HAPSTR1: variants seen among roughly 807,000 people sequenced by gnomAD.
HAPSTR1 encodes HUWE1 associated protein modifying stress responses.
the HAPSTR1 span, chr16:9,107,747 C>T: frequency 6.6e-6 from 1 of 152,508 alleles, no homozygotes; most frequent in African/African-American, 2.4e-5. Context: ...GTGACACAGC[C>T]TTGCTTCAGG....
the HAPSTR1 span, chr16:9,108,135 C>G: frequency 6.6e-6 from 1 of 152,140 alleles, no homozygotes; most frequent in Non-Finnish European, 1.5e-5. Context: ...TAAACCTACT[C>G]TTTCAGTGTT....
At chr16:9,107,610 T>C in the HAPSTR1 span, 2 of 152,270 alleles carry the variant, frequency 1.3e-5, no homozygotes, top group Non-Finnish European at 2.9e-5. Flanking sequence ...AAATTCAGCA[T>C]GGTATTACAA....
At chr16:9,092,073 C>T in the HAPSTR1 span, 4 of 1,535,996 alleles carry the variant, frequency 2.6e-6, no homozygotes, top group South Asian at 2.4e-5. Flanking sequence ...GAGGGCGAGG[C>T]CGAGATCCAG....
At chr16:9,092,401 C>A in the HAPSTR1 span, 1 of 802,522 alleles carries the variant, frequency 1.2e-6, no homozygotes, top group Non-Finnish European at 1.6e-6. Flanking sequence ...CCGGTGGCTC[C>A]GCGGCCCTGC....
the HAPSTR1 span, chr16:9,105,540 C>T: frequency 6.6e-6 from 1 of 152,084 alleles, no homozygotes; most frequent in South Asian, 2.1e-4. Context: ...AGTACTAGGG[C>T]CATTATTAAC....
At chr16:9,120,673 C>CTTTTTT in the HAPSTR1 span, 214 of 100,534 alleles carry the variant, frequency 2.1e-3, no homozygotes, top group Middle Eastern at 0.016. Context: ...ATGGTGAAAT[C>CTTTTTT]TTTTTTTTTT....
At chr16:9,092,003 ACGCGGCGGCGGTGGCGGCGAGGC>A in the HAPSTR1 span, 1 of 1,452,388 alleles carries the variant, frequency 6.9e-7, no homozygotes, top group Non-Finnish European at 9.2e-7. Flanking sequence ...CCTGAGGAGG[ACGCGGCGGCGGTGGCGGCGAGGC>A]CGCGGGAGGC....
the HAPSTR1 span, among the ~76,000 whole-genome samples, chr16:9,099,314 C>T: frequency 2.0e-5 from 3 of 151,982 alleles, no homozygotes; most frequent in South Asian, 6.2e-4. Context: ...TCTTCTGCCT[C>T]AGCCTCCCAA....
chr16:9,110,648 G>C, the HAPSTR1 span: 1 of 152,172 alleles, frequency 6.6e-6, no homozygotes, highest in Non-Finnish European at 1.5e-5. Context: ...CGCCCCTTTG[G>C]TGTCACTCTT....
the HAPSTR1 span, among the ~76,000 whole-genome samples, chr16:9,099,241 A>C: frequency 6.7e-6 from 1 of 149,552 alleles, no homozygotes; most frequent in African/African-American, 2.4e-5. Flanking sequence ...CGTGTCACCC[A>C]GCCTGGAGTG....
At chr16:9,106,972 C>T in the HAPSTR1 span, 1 of 152,204 alleles carries the variant, frequency 6.6e-6, no homozygotes, top group Non-Finnish European at 1.5e-5. Flanking sequence ...AGAGCTTCTC[C>T]TTACCTTGGC....
At chr16:9,093,306 C>A in the HAPSTR1 span, among the ~76,000 whole-genome samples, 109 of 152,278 alleles carry the variant, frequency 7.2e-4, no homozygotes, top group African/African-American at 2.5e-3. Context: ...AAGATAACCG[C>A]CCCGGCCCCC....
At chr16:9,117,288 C>A in the HAPSTR1 span, 1 of 210,990 alleles carries the variant, frequency 4.7e-6, no homozygotes, top group Non-Finnish European at 9.6e-6. Context: ...CCATTTCCTG[C>A]TGTGTTGAGT....
At chr16:9,099,454 A>G in the HAPSTR1 span, among the ~76,000 whole-genome samples, 1 of 152,120 alleles carries the variant, frequency 6.6e-6, no homozygotes, top group Non-Finnish European at 1.5e-5. Flanking sequence ...TGACCTCCCA[A>G]AGTGCTGGGA....
the HAPSTR1 span, chr16:9,105,271 A>T: frequency 6.6e-6 from 1 of 152,250 alleles, no homozygotes; most frequent in African/African-American, 2.4e-5. Flanking sequence ...GAAGAAAATG[A>T]TCTTTACCTT....
At chr16:9,116,689 G>C in the HAPSTR1 span, 2 of 1,614,142 alleles carry the variant, frequency 1.2e-6, no homozygotes, top group Non-Finnish European at 1.7e-6. Context: ...GCAATGGCTA[G>C]TATAAGCGTG....
At chr16:9,092,314 C>A in the HAPSTR1 span, 1 of 1,432,604 alleles carries the variant, frequency 7.0e-7, no homozygotes, top group South Asian at 1.4e-5. Context: ...GCCGCCCCCG[C>A]CCGGGCCCGG....
chr16:9,116,967 A>G, the HAPSTR1 span: 21 of 1,595,180 alleles, frequency 1.3e-5, no homozygotes, highest in East Asian at 2.2e-5. Context: ...GATCCTCAAC[A>G]TATACTATAA....
the HAPSTR1 span, among the ~76,000 whole-genome samples, chr16:9,092,673 G>C: frequency 6.6e-6 from 1 of 152,102 alleles, no homozygotes; most frequent in Non-Finnish European, 1.5e-5. Context: ...GCTTCCCTGC[G>C]CCGCGGCTCG....
Sources: gnomAD v4.1 joint callset for allele counts (sites outside exome capture counted in the v4.1 genomes callset) on GRCh38, gnomAD v4.1.1 for gene constraint, MANE v1.5 for transcripts, NCBI Gene and HGNC (gene_info 2026-07-23, HGNC 2026-07-21) for gene names.